OTOGL: variants seen among roughly 807,000 people sequenced by gnomAD.
The protein encoded by OTOGL is otogelin-like protein.
A neutral mutation model predicts 318.5 loss-of-function variants in OTOGL; 285 were observed. The observed-to-expected ratio is 0.89, with a 90% CI of 0.81 to 0.99. OTOGL has a LOEUF of 0.99. Among genes scored for constraint, OTOGL ranks in the 50% least tolerant of loss-of-function variants. OTOGL has a pLI of 0.00. For missense variants in OTOGL, 2,899 were observed against 2,845.6 expected, an observed-to-expected ratio of 1.02 and a Z score of -0.43; for synonymous variants, 987 against 936.5, an observed-to-expected ratio of 1.05 and a Z score of -0.99.
Position 80,265,172 on chromosome 12 carries a change from G to A in OTOGL, c.2186G>A (p.Gly729Asp), listed in dbSNP as rs1882856932. Reference protein sequence around the residue: ...AHYAYLCGQHGVPIDFRTQIS... With the variant: ...AHYAYLCGQHDVPIDFRTQIS... Reference sequence around the variant, plus strand: ...TATGCCTACCTCTGCGGCCAGCACGGTGTTCCCATTGATTTCAGAACTCAG... The same window carrying A: ...TATGCCTACCTCTGCGGCCAGCACGATGTTCCCATTGATTTCAGAACTCAG... The change falls in exon 20 of 59, where the codon GGT becomes GAT. Residue 729 changes from glycine (G) to aspartate (D), a missense_variant. This residue lies in a region of OTOGL where 2,607 missense variants were observed against 2,524.9 expected (regional missense o/e 1.03). Transcript: ENST00000547103. 2 of 1,613,782 alleles carry A rather than the reference G, an allele frequency of 1.2e-6. No individual in the cohort carries two copies. Among genetic ancestry groups the A allele is most frequent in the East Asian group, 4.5e-5 (2 of 44,864 alleles).
chr12:80,196,754 TGTTCCA>T (rs1169428999), intron 1 of OTOGL, among the ~76,000 whole-genome samples: 1 of 152,226 alleles, frequency 6.6e-6, no homozygotes, highest in Non-Finnish European at 1.5e-5. Flanking sequence ...ACCCCTGCTT[TGTTCCA>T]GTTATTTTCT....
In OTOGL at chr12:80,355,786, G is replaced by T. The variant is rs1238260807; in HGVS notation, c.5644G>T (p.Gly1882Trp). Residue 1882 changes from glycine to tryptophan, a missense_variant, in exon 47 of 59, where the codon GGG becomes TGG. Gly to Trp is a radical substitution (Grantham distance 184). Coordinates refer to ENST00000547103, the MANE Select transcript of OTOGL (RefSeq NM_001378609.3). The stretch of plus-strand genomic sequence containing the variant: ...CCGCACTGCTGGGGAGATTTGGAAT[G>T]GGGGCATTGATGAATGCACTCTATA... ...QPRTAGEIWN[G>W]GIDECTLYKC... 1.2e-5 allele frequency: 19 copies of T among 1,613,840 alleles called. No homozygotes were observed. The highest frequency in any genetic ancestry group is 1.7e-5 in the Admixed American group (1 of 59,986).
At chr12:80,360,468 CCTCT>C (rs1405509188) in intron 52 of OTOGL, among the ~76,000 whole-genome samples, 4 of 120,556 alleles carry the variant, frequency 3.3e-5, no homozygotes, top group African/African-American at 1.2e-4. Context: ...CCCTCTCTCT[CCTCT>C]CTCTCCCTCT....
At chr12:80,264,848 TA>T (rs544269047) in intron 19 of OTOGL, among the ~76,000 whole-genome samples, 152 bp from the exon 20 acceptor site, 138 of 151,934 alleles carry the variant, frequency 9.1e-4, no homozygotes, top group African/African-American at 3.0e-3. Flanking sequence ...CAATATTATA[TA>T]AAAAAAACAA....
At chr12:80,146,551 A>G (rs946846032) in intron 1 of OTOGL, among the ~76,000 whole-genome samples, 3 of 150,050 alleles carry the variant, frequency 2.0e-5, no homozygotes, top group Non-Finnish European at 4.4e-5. Flanking sequence ...AGGCTTTGGT[A>G]TCAGAATGAT....
rs758882130 is a variant in OTOGL at position 80,256,384 on chromosome 12, T to C, written c.1635T>C (p.Asp545=). The C allele has an allele frequency of 5.6e-6, 9 of 1,595,826 alleles. 1 individual carries two copies. The highest frequency in any genetic ancestry group is 3.3e-5 in the South Asian group (3 of 90,508). ...CLQSITLILE[D]DFNKQVTLGR... ...AGTCTATAACTCTGATTCTGGAGGA[T>C]GATTTTAACAAACAAGTGACCCTTG... Residue 545 remains aspartate (D), a synonymous_variant, in exon 17 of 59, where the codon GAT becomes GAC. Coordinates refer to ENST00000547103, the MANE Select transcript of OTOGL (RefSeq NM_001378609.3).
chr12:80,130,136 A>G (rs797008964), intron 1 of OTOGL, among the ~76,000 whole-genome samples: 11 of 152,124 alleles, frequency 7.2e-5, no homozygotes, highest in African/African-American at 2.7e-4. Context: ...CCTCATTCCA[A>G]TCATTATAAA....
At chr12:80,139,874 A>G (rs1470058672) in intron 1 of OTOGL, among the ~76,000 whole-genome samples, 1 of 152,082 alleles carries the variant, frequency 6.6e-6, no homozygotes, top group African/African-American at 2.4e-5. Context: ...ACCATTTCCA[A>G]AATATTTCCA....
chr12:80,251,203 A>G (rs1471214837), intron 11 of OTOGL, among the ~76,000 whole-genome samples: 1 of 152,184 alleles, frequency 6.6e-6, no homozygotes, highest in East Asian at 1.9e-4. Context: ...TGATTACTAT[A>G]GATTATTGGT....
At chr12:80,286,681 T>C (rs1290531264) in intron 26 of OTOGL, among the ~76,000 whole-genome samples, 2 of 152,234 alleles carry the variant, frequency 1.3e-5, no homozygotes, top group Non-Finnish European at 2.9e-5. Flanking sequence ...AAGTATTCTC[T>C]GAAGGTAGTT....
chr12:80,235,842 C>T (rs1169696102), intron 9 of OTOGL, among the ~76,000 whole-genome samples: 1 of 152,084 alleles, frequency 6.6e-6, no homozygotes, highest in East Asian at 1.9e-4. Flanking sequence ...CAGTATAAGG[C>T]AGAGTAATTT....
intron 1 of OTOGL, among the ~76,000 whole-genome samples, chr12:80,179,789 T>C (rs1048209870): frequency 1.3e-5 from 2 of 152,232 alleles, no homozygotes; most frequent in Non-Finnish European, 2.9e-5. Context: ...GACATCCTGG[T>C]TGAAGCAGCA....
intron 27 of OTOGL, among the ~76,000 whole-genome samples, chr12:80,300,135 A>G (rs985340283): frequency 6.6e-6 from 1 of 151,814 alleles, no homozygotes; most frequent in Non-Finnish European, 1.5e-5. Flanking sequence ...AGGGCAAGCT[A>G]CGTAATTTGG....
In OTOGL at chr12:80,262,008, C is replaced by T. The variant is rs150597873; in HGVS notation, c.1929C>T (p.His643=). The change falls in exon 19 of 59, where the codon CAC becomes CAT. Residue 643 remains histidine (H), a synonymous_variant. Transcript: ENST00000547103. ...SGMIEGTPQL[H]ANAWRVSSTC... ...TGATAGAAGGTACACCACAACTTCA[C>T]GCAAATGCGTGGAGAGTTTCTTCTA... is the stretch of plus-strand genomic sequence containing the variant. The T allele has an allele frequency of 1.2e-5, 20 of 1,612,994 alleles. No homozygotes were observed. The highest frequency in any genetic ancestry group is 6.7e-5 in the African/African-American group (5 of 75,020).
At chr12:80,362,860 A>T (rs371736896) in intron 52 of OTOGL, among the ~76,000 whole-genome samples, 42 of 149,432 alleles carry the variant, frequency 2.8e-4, no homozygotes, top group African/African-American at 1.0e-3. Context: ...AAAAATAATG[A>T]CCATAAAACC....
chr12:80,191,272 T>C (rs895926858), intron 1 of OTOGL, among the ~76,000 whole-genome samples: 8 of 152,118 alleles, frequency 5.3e-5, no homozygotes, highest in African/African-American at 1.9e-4. Flanking sequence ...ACCCCGTCTC[T>C]ACTAAAAACA....
chr12:80,293,657 C>CTT (rs199604914), intron 26 of OTOGL, among the ~76,000 whole-genome samples: 4 of 145,158 alleles, frequency 2.8e-5, no homozygotes, highest in African/African-American at 5.0e-5. Flanking sequence ...ATATGTTCAG[C>CTT]TTTTTTTTTT....
chr12:80,278,060 A>G (rs1883940055), intron 24 of OTOGL, 108 bp from the exon 25 acceptor site: 1 of 878,946 alleles, frequency 1.1e-6, no homozygotes, highest in Non-Finnish European at 1.8e-6. Context: ...AGTGCCTTAG[A>G]CAGCTCTAAT....
intron 32 of OTOGL, among the ~76,000 whole-genome samples, chr12:80,318,030 C>T (rs939467030): frequency 1.3e-5 from 2 of 152,050 alleles, no homozygotes; most frequent in African/African-American, 4.8e-5. Context: ...ATAATGTATC[C>T]TCTCAGTCTT....
Sources: allele counts gnomAD v4.1 joint callset (sites outside exome capture counted in the v4.1 genomes callset), GRCh38; gene constraint gnomAD v4.1.1; regional missense constraint gnomAD v4.1.1; transcripts MANE v1.5; gene names NCBI Gene and HGNC (gene_info 2026-07-23, HGNC 2026-07-21).